GRIN3A: variants seen among roughly 807,000 people sequenced by gnomAD.
The protein encoded by GRIN3A is glutamate ionotropic receptor NMDA type subunit 3A.
In GRIN3A, 47 loss-of-function variants were observed where a neutral mutation model predicts 92.4. The observed-to-expected ratio is 0.51, with a 90% CI of 0.40 to 0.65. GRIN3A has a LOEUF of 0.65. GRIN3A is among the 30% of genes least tolerant of loss of function. The pLI is 0.00. For synonymous variants in GRIN3A, 527 were observed against 540.6 expected, an observed-to-expected ratio of 0.97 and a Z score of 0.35; for missense variants, 1,324 against 1,393.1, an observed-to-expected ratio of 0.95 and a Z score of 0.79.
chr9:101,688,593 G>C (rs1455706429), intron 1 of GRIN3A, among the ~76,000 whole-genome samples: 1 of 152,072 alleles, frequency 6.6e-6, no homozygotes, highest in Non-Finnish European at 1.5e-5. Flanking sequence ...TGCTGTTCAT[G>C]GTAGGGAGGG....
At chr9:101,578,758 G>A (rs539247594) in intron 7 of GRIN3A, among the ~76,000 whole-genome samples, 24 of 152,270 alleles carry the variant, frequency 1.6e-4, no homozygotes, top group Admixed American at 1.5e-3. Context: ...TGGCCCCAAT[G>A]GGTCTCAAAC....
In GRIN3A at chr9:101,570,733, A is replaced by G. The variant is rs1827748038; in HGVS notation, c.*2441T>C. 1 of 152,644 alleles carries G rather than the reference A, an allele frequency of 6.6e-6. No individual in the cohort carries two copies. Among genetic ancestry groups the G allele is most frequent in the African/African-American group, 2.4e-5 (1 of 41,454 alleles). 9.5% of individuals were successfully genotyped at this position (152,644 alleles called of 1,614,324 possible). On this transcript the variant is annotated 3_prime_UTR_variant, in exon 9 of 9. Transcript: ENST00000361820. ...TGGCATGTGATCACCACTGCTCAGAATGCCTCACTAGAGAAGCTTAAGGTA... is the reference window on the plus strand; with the variant it reads ...TGGCATGTGATCACCACTGCTCAGAGTGCCTCACTAGAGAAGCTTAAGGTA...
intron 1 of GRIN3A, among the ~76,000 whole-genome samples, chr9:101,732,237 A>C (rs574739734): frequency 6.6e-6 from 1 of 152,332 alleles, no homozygotes; most frequent in South Asian, 2.1e-4. Context: ...CCTTATCAAG[A>C]AAGTTTGCTA....
At chr9:101,609,131 G>A (rs1399489581) in intron 6 of GRIN3A, among the ~76,000 whole-genome samples, 9 of 152,220 alleles carry the variant, frequency 5.9e-5, no homozygotes, top group African/African-American at 2.2e-4. Flanking sequence ...AATTGCCAAT[G>A]CTGGGGAATG....
intron 3 of GRIN3A, among the ~76,000 whole-genome samples, chr9:101,643,654 GTC>G (rs74810886): frequency 0.21 from 30,098 of 146,734 alleles, 3,097 homozygotes; most frequent in Non-Finnish European, 0.24. Context: ...CAACCTAAAT[GTC>G]TCTCTCTCTC....
chr9:101,648,566 T>C (rs990188569), intron 3 of GRIN3A, among the ~76,000 whole-genome samples: 7 of 152,106 alleles, frequency 4.6e-5, no homozygotes, highest in African/African-American at 1.7e-4. Context: ...TCCTGAAGTC[T>C]CTACTATTAA....
intron 3 of GRIN3A, among the ~76,000 whole-genome samples, chr9:101,630,065 G>A (rs1213436466): frequency 3.3e-5 from 5 of 152,184 alleles, no homozygotes; most frequent in East Asian, 1.9e-4. Flanking sequence ...TATGGCTTGC[G>A]CAAGGCACAT....
intron 2 of GRIN3A, among the ~76,000 whole-genome samples, chr9:101,675,943 C>T (rs966443463): frequency 8.6e-5 from 13 of 151,890 alleles, no homozygotes; most frequent in Non-Finnish European, 2.9e-5. Flanking sequence ...TAAAAATCTT[C>T]CACTACAAAT....
At chr9:101,664,890 A>G (rs568968898) in intron 3 of GRIN3A, among the ~76,000 whole-genome samples, 1 of 152,094 alleles carries the variant, frequency 6.6e-6, no homozygotes, top group South Asian at 2.1e-4. Context: ...GTTATCTGCT[A>G]TCAGGGTTAC....
intron 5 of GRIN3A, among the ~76,000 whole-genome samples, chr9:101,621,868 G>A (rs1353096719): frequency 6.6e-6 from 1 of 152,168 alleles, no homozygotes; most frequent in African/African-American, 2.4e-5. Context: ...CAGTTACCCA[G>A]TGCATCTAGG....
At chr9:101,729,949 C>A (rs535938944) in intron 1 of GRIN3A, among the ~76,000 whole-genome samples, 20 of 152,242 alleles carry the variant, frequency 1.3e-4, no homozygotes, top group Admixed American at 4.6e-4. Context: ...ACTGTCATTT[C>A]TGTTCTATTG....
chr9:101,586,709 G>T (rs896238218), intron 6 of GRIN3A, among the ~76,000 whole-genome samples: 4 of 152,134 alleles, frequency 2.6e-5, no homozygotes, highest in Non-Finnish European at 5.9e-5. Context: ...TTTCTTTGGG[G>T]AACTGCCCTC....
At chr9:101,694,354 A>G (rs1325926357) in intron 1 of GRIN3A, among the ~76,000 whole-genome samples, 1 of 148,040 alleles carries the variant, frequency 6.8e-6, no homozygotes, top group East Asian at 2.0e-4. Flanking sequence ...TGCATATTAC[A>G]TTCTTTGAGC....
chr9:101,673,386 C>G (rs912379152), intron 2 of GRIN3A, among the ~76,000 whole-genome samples: 6 of 152,070 alleles, frequency 3.9e-5, no homozygotes, highest in African/African-American at 1.4e-4. Flanking sequence ...GAAGGCAAAT[C>G]AATAGGGACC....
chr9:101,705,015 G>GA (rs1335794788), intron 1 of GRIN3A, among the ~76,000 whole-genome samples: 1 of 152,062 alleles, frequency 6.6e-6, no homozygotes. Flanking sequence ...ATTTGATAAG[G>GA]AAGGGGGGGC....
At chr9:101,609,610 A>G (rs113873989) in intron 6 of GRIN3A, among the ~76,000 whole-genome samples, 1 of 152,174 alleles carries the variant, frequency 6.6e-6, no homozygotes, top group Admixed American at 6.5e-5. Flanking sequence ...TAAGTCTCCA[A>G]TAGTGTGTTC....
chr9:101,672,623 T>G (rs183605835), intron 2 of GRIN3A, among the ~76,000 whole-genome samples: 94 of 152,236 alleles, frequency 6.2e-4, no homozygotes, highest in Admixed American at 2.7e-3. Flanking sequence ...AAATAAGACA[T>G]TATGTTGCCA....
intron 2 of GRIN3A, among the ~76,000 whole-genome samples, chr9:101,677,722 T>C (rs577716421): frequency 1.3e-5 from 2 of 152,266 alleles, no homozygotes; most frequent in East Asian, 3.9e-4. Context: ...CCTTTTATGA[T>C]AACATGAATT....
intron 1 of GRIN3A, among the ~76,000 whole-genome samples, chr9:101,731,785 GGA>G (rs1246412644): frequency 6.6e-6 from 1 of 152,180 alleles, no homozygotes; most frequent in Non-Finnish European, 1.5e-5. Context: ...AGAAGGAAAT[GGA>G]GAGAGTTGGC....
Sources: allele counts gnomAD v4.1 joint callset (sites outside exome capture counted in the v4.1 genomes callset), GRCh38; gene constraint gnomAD v4.1.1; transcripts MANE v1.5; gene names NCBI Gene and HGNC (gene_info 2026-07-23, HGNC 2026-07-21).